LRP1B: variants seen among roughly 807,000 people sequenced by gnomAD.
The protein encoded by LRP1B is LDL receptor related protein 1B.
A neutral mutation model predicts 556.6 loss-of-function variants in LRP1B; 217 were observed. The ratio of observed to expected loss-of-function variants is 0.39; its 90% CI spans 0.35 to 0.44. LRP1B has a LOEUF of 0.44. LRP1B is among the 20% of genes least tolerant of loss of function. The pLI is 1.00. For missense variants in LRP1B, 5,053 were observed against 5,620.8 expected (o/e 0.90, Z 3.23); for synonymous variants, 2,047 against 1,865.8 (o/e 1.10, Z -2.50).
At chr2:141,819,374 T>C (rs1696679902) in intron 1 of LRP1B, among the ~76,000 whole-genome samples, 1 of 152,238 alleles carries the variant, frequency 6.6e-6, no homozygotes, top group Non-Finnish European at 1.5e-5. Flanking sequence ...GAATTGTACC[T>C]ACTGTGTGAT....
At chr2:141,085,010 C>T (rs540449701) in intron 7 of LRP1B, among the ~76,000 whole-genome samples, 1 of 152,086 alleles carries the variant, frequency 6.6e-6, no homozygotes, top group African/African-American at 2.4e-5. Flanking sequence ...CTTGCATTTT[C>T]CCCCCAATTT....
chr2:140,432,484 G>A (rs563143520), intron 66 of LRP1B, among the ~76,000 whole-genome samples: 1 of 152,142 alleles, frequency 6.6e-6, no homozygotes, highest in Non-Finnish European at 1.5e-5. Flanking sequence ...GTAGTTTCTT[G>A]TGCCTCTGTG....
intron 77 of LRP1B, among the ~76,000 whole-genome samples, chr2:140,348,612 A>C (rs1681803811): frequency 6.6e-6 from 1 of 152,106 alleles, no homozygotes; most frequent in South Asian, 2.1e-4. Context: ...ATGATATAAC[A>C]CAAGTTATTA....
chr2:141,784,268 CA>C (rs1236170298), intron 2 of LRP1B, among the ~76,000 whole-genome samples: 2 of 151,736 alleles, frequency 1.3e-5, no homozygotes, highest in Non-Finnish European at 2.9e-5. Context: ...TAAATATGGG[CA>C]AGACATTTAG....
At chr2:141,795,166 G>A (rs764365769) in intron 2 of LRP1B, among the ~76,000 whole-genome samples, 4 of 152,050 alleles carry the variant, frequency 2.6e-5, no homozygotes, top group Non-Finnish European at 4.4e-5. Flanking sequence ...TATTTGGCAA[G>A]CACCGTAGTA....
At position 141,810,306 on chromosome 2, in the gene LRP1B, C is replaced by T. The variant is rs2105707308; in HGVS notation, c.178G>A (p.Asp60Asn). The stretch of plus-strand genomic sequence containing the variant: ...GTATCTAAAGACTCGTCTGAATCAT[C>T]AGGGCAGTCAGGGTCCCCATCACAC... ...WLCDGDPDCP[D>N]DSDESLDTCP... The change falls in exon 2 of 91, where the codon GAT (aspartate) becomes AAT (asparagine). Residue 60 changes from aspartate to asparagine, a missense_variant. Asp to Asn is a conservative substitution (Grantham distance 23). Around this residue, in one of 5 missense-constraint regions of LRP1B, gnomAD observed 3,619 missense variants for 3,931.9 expected, o/e 0.92. Coordinates refer to ENST00000389484, the MANE Select transcript of LRP1B (RefSeq NM_018557.3). 6.2e-7 allele frequency: 1 copy of T among 1,613,130 alleles called. No individual in the cohort carries two copies. The highest frequency in any genetic ancestry group is 8.5e-7 in the Non-Finnish European group (1 of 1,179,460).
At chr2:141,636,896 T>C (rs1331945882) in intron 2 of LRP1B, among the ~76,000 whole-genome samples, 1 of 152,126 alleles carries the variant, frequency 6.6e-6, no homozygotes. Context: ...ACTGCATACA[T>C]ATGTATATAT....
chr2:140,365,215 A>T (rs1406723107), intron 71 of LRP1B, among the ~76,000 whole-genome samples: 1 of 151,654 alleles, frequency 6.6e-6, no homozygotes, highest in Non-Finnish European at 1.5e-5. Context: ...ATACTGATAA[A>T]CTAGATCACT....
intron 11 of LRP1B, among the ~76,000 whole-genome samples, chr2:141,039,839 T>C (rs1304605230): frequency 6.6e-6 from 1 of 152,062 alleles, no homozygotes; most frequent in African/African-American, 2.4e-5. Context: ...CAGACAAAAA[T>C]ACATATATTG....
At chr2:141,244,448 A>T (rs1683995961) in intron 5 of LRP1B, among the ~76,000 whole-genome samples, 2 of 149,170 alleles carry the variant, frequency 1.3e-5, no homozygotes, top group African/African-American at 4.9e-5. Flanking sequence ...AGTAGGGTAG[A>T]ATTGTAAGGA....
At chr2:141,871,175 C>A (rs1279631163) in intron 1 of LRP1B, among the ~76,000 whole-genome samples, 4 of 151,992 alleles carry the variant, frequency 2.6e-5, no homozygotes, top group African/African-American at 9.7e-5. Context: ...AACTTGACCT[C>A]CTCTGAGGTT....
chr2:141,136,009 A>G (rs1701483066), intron 7 of LRP1B, among the ~76,000 whole-genome samples: 1 of 151,970 alleles, frequency 6.6e-6, no homozygotes, highest in Non-Finnish European at 1.5e-5. Context: ...TTGTGCAGAT[A>G]ATGGAGAGTG....
intron 2 of LRP1B, among the ~76,000 whole-genome samples, chr2:141,696,850 G>T (rs1458885265): frequency 6.6e-6 from 1 of 151,872 alleles, no homozygotes; most frequent in African/African-American, 2.4e-5. Context: ...TTCAAAGACG[G>T]ACATTAATAG....
chr2:141,179,999 G>T (rs569349346), intron 7 of LRP1B, among the ~76,000 whole-genome samples: 1 of 148,752 alleles, frequency 6.7e-6, no homozygotes, highest in South Asian at 2.1e-4. Context: ...ACAATGTCAA[G>T]TATTTTTATT....
intron 1 of LRP1B, among the ~76,000 whole-genome samples, chr2:142,006,711 C>CT (rs531448047): frequency 3.1e-4 from 47 of 151,444 alleles, no homozygotes; most frequent in Non-Finnish European, 5.6e-4. Flanking sequence ...TAGAGGGCTA[C>CT]TTTTTTTTTC....
chr2:140,590,017 A>T (rs975203105), intron 43 of LRP1B, among the ~76,000 whole-genome samples: 9 of 152,238 alleles, frequency 5.9e-5, no homozygotes, highest in Non-Finnish European at 1.2e-4. Flanking sequence ...GGTAAAGAGT[A>T]CACTTGATCC....
intron 35 of LRP1B, among the ~76,000 whole-genome samples, chr2:140,738,401 G>A (rs1173840461): frequency 6.6e-6 from 1 of 152,110 alleles, no homozygotes; most frequent in Non-Finnish European, 1.5e-5. Context: ...AGACAGATCT[G>A]TGTGGCACAT....
intron 2 of LRP1B, among the ~76,000 whole-genome samples, chr2:141,606,746 A>T (rs181749338): frequency 6.6e-6 from 1 of 152,266 alleles, no homozygotes; most frequent in Admixed American, 6.5e-5. Context: ...GGTGAAACCA[A>T]CCCTGCCAAC....
chr2:141,022,680 G>T (rs1038847151), intron 11 of LRP1B, among the ~76,000 whole-genome samples: 5 of 151,902 alleles, frequency 3.3e-5, no homozygotes, highest in Non-Finnish European at 7.4e-5. Flanking sequence ...ACACATGAAG[G>T]TTGTGGCATT....
Sources: allele counts gnomAD v4.1 joint callset (sites outside exome capture counted in the v4.1 genomes callset), GRCh38; gene constraint gnomAD v4.1.1; regional missense constraint gnomAD v4.1.1; transcripts MANE v1.5; gene names NCBI Gene and HGNC (gene_info 2026-07-23, HGNC 2026-07-21).